ADAT2: variants seen among roughly 807,000 people sequenced by gnomAD.
The protein encoded by ADAT2 is adenosine deaminase tRNA specific 2.
ADAT2 carries 26 observed loss-of-function variants against 25.9 expected under a neutral mutation model. That is an observed-to-expected ratio of 1.00 (90% CI 0.74 to 1.39). The LOEUF is 1.39. Among genes scored for constraint, ADAT2 ranks in the 40% most tolerant of loss-of-function variants. The pLI is 0.00. For synonymous variants in ADAT2, 76 were observed against 86.8 expected (o/e 0.88, Z 0.69); for missense variants, 220 against 244.8 (o/e 0.90, Z 0.68).
intron 2 of ADAT2, among the ~76,000 whole-genome samples, chr6:143,435,583 C>A (rs1337482296): frequency 6.6e-6 from 1 of 152,158 alleles, no homozygotes; most frequent in East Asian, 1.9e-4. Context: ...CATCTTAAGA[C>A]ATCATACACA....
In ADAT2 at chr6:143,425,733, T is replaced by TGTGTGTGTGTGTGTGTGTG. The variant is rs1778912429; in HGVS notation, c.*2729_*2730insCACACACACACACACACAC. ...GGTAAAGGGCCATGGTGTGTTGTGT[T>TGTGTGTGTGTGTGTGTGTG]TGTGTGTGTGTGTGTGTGTGTGTGT... On this transcript the variant is annotated 3_prime_UTR_variant, in exon 6 of 6. Transcript: ENST00000237283. 1.3e-4 allele frequency: 18 copies of TGTGTGTGTGTGTGTGTGTG among 136,584 alleles called. No individual in the cohort carries two copies. The highest frequency in any genetic ancestry group is 5.2e-4 in the Admixed American group (7 of 13,572). The allele number at this position is 136,584 out of a possible 1,614,324, so 8.5% of individuals were successfully genotyped here. A position where few individuals can be genotyped will look rare whatever the true frequency, so the allele number is the denominator to read the frequency against.
intron 1 of ADAT2, among the ~76,000 whole-genome samples, chr6:143,448,141 T>A (rs1779649359): frequency 2.0e-5 from 3 of 151,994 alleles, no homozygotes; most frequent in Middle Eastern, 3.2e-3. Context: ...CTGAGCAAAC[T>A]ATCACAAGGA....
Position 143,432,695 on chromosome 6 carries a change from C to G in ADAT2, c.353-84G>C. On this transcript the variant is annotated intron_variant, in intron 3 of 5. Coordinates refer to ENST00000237283, the MANE Select transcript of ADAT2 (RefSeq NM_182503.3). This position sits in a 1 kb window ranked among gnomAD's most constrained non-coding sequence, Gnocchi z 4.4. ...ATCAGAGTAGGTTTATACCAGCCAT[C>G]CTGGAGAGGAACGCTCATGCTACTC... is the stretch of plus-strand genomic sequence containing the variant. The G allele has an allele frequency of 7.7e-7, 1 of 1,304,556 alleles. No individual in the cohort carries two copies. Among genetic ancestry groups the G allele is most frequent in the Non-Finnish European group, 1.1e-6 (1 of 905,278 alleles). The allele number at this position is 1,304,556 out of a possible 1,614,324, so 80.8% of individuals were successfully genotyped here.
Position 143,434,085 on chromosome 6 carries a change from C to T in ADAT2, c.202-104G>A. On this transcript the variant is annotated intron_variant, in intron 2 of 5. Transcript: ENST00000237283. This position sits in a 1 kb window ranked among gnomAD's most constrained non-coding sequence, Gnocchi z 4.5. ...CAAAATATGCGCCTATCCTTTCTGC[C>T]AATATTTTAATGAATACAGTTTCAA... 1 of 1,406,468 alleles carries T rather than the reference C, an allele frequency of 7.1e-7. No individual in the cohort carries two copies. The highest frequency in any genetic ancestry group is 9.7e-7 in the Non-Finnish European group (1 of 1,028,222). The allele number at this position is 1,406,468 out of a possible 1,614,324, so 87.1% of individuals were successfully genotyped here.
rs897397287 is a variant in ADAT2, at chr6:143,424,988, C to T, written c.*3475G>A. 1.3e-5 allele frequency: 2 copies of T among 152,180 alleles called. No homozygotes were observed. The highest frequency in any genetic ancestry group is 4.8e-5 in the African/African-American group (2 of 41,450). 9.4% of individuals were successfully genotyped at this position (152,180 alleles called of 1,614,324 possible). On this transcript the variant is annotated 3_prime_UTR_variant, in exon 6 of 6. Transcript: ENST00000237283. This position sits in a 1 kb window ranked among gnomAD's most constrained non-coding sequence, Gnocchi z 4.8. Reference sequence around the variant, plus strand: ...GACCAGATGACCAAAATTGACATCACCTTGGTGTGACGGCCTTTGTGTGCC... The same window carrying T: ...GACCAGATGACCAAAATTGACATCATCTTGGTGTGACGGCCTTTGTGTGCC...
chr6:143,439,016 G>A lies in ADAT2; in HGVS notation c.97-322C>T, dbSNP rs904657246. Among the ~76,000 whole-genome samples, 6 of 152,208 alleles carry A rather than the reference G, an allele frequency of 3.9e-5. No individual in the cohort carries two copies. In the East Asian group the frequency reaches 1.2e-3, roughly 29 times the overall value. On this transcript the variant is annotated intron_variant, in intron 1 of 5. Coordinates refer to ENST00000237283, the MANE Select transcript of ADAT2 (RefSeq NM_182503.3). ...GCCAGGGTCTATGTGTCTTTTCAGA[G>A]ATAGAATACATATTTGCAAAAAGGT...
rs1394092234 is a variant in ADAT2, at chr6:143,425,933, G to T, written c.*2530C>A. The T allele has an allele frequency of 6.6e-6, 1 of 152,476 alleles. No individual in the cohort carries two copies. Among genetic ancestry groups the T allele is most frequent in the African/African-American group, 2.4e-5 (1 of 41,384 alleles). 9.4% of individuals were successfully genotyped at this position (152,476 alleles called of 1,614,324 possible). On this transcript the variant is annotated 3_prime_UTR_variant, in exon 6 of 6. Coordinates refer to ENST00000237283, the MANE Select transcript of ADAT2 (RefSeq NM_182503.3). ...GTGCCAAGTAACAAGAAAGCACAAAGATATTTTAACATGATCTTTTATCAG... is the reference window on the plus strand; with the variant it reads ...GTGCCAAGTAACAAGAAAGCACAAATATATTTTAACATGATCTTTTATCAG...
chr6:143,431,623 C>T (rs1779118441), intron 4 of ADAT2, among the ~76,000 whole-genome samples: 1 of 152,122 alleles, frequency 6.6e-6, no homozygotes, highest in South Asian at 2.1e-4. Flanking sequence ...TAATGTTGAG[C>T]TAGAAAACTC....
chr6:143,447,045 C>A (rs1779620939), intron 1 of ADAT2, among the ~76,000 whole-genome samples: 1 of 152,070 alleles, frequency 6.6e-6, no homozygotes, highest in Non-Finnish European at 1.5e-5. Flanking sequence ...AGAAACCTGC[C>A]ATGAAAAATA....
At position 143,444,341 on chromosome 6, in the gene ADAT2, A is replaced by G. The variant is rs946572281; in HGVS notation, c.97-5647T>C. Among the ~76,000 whole-genome samples, 5 of 152,182 alleles carry G rather than the reference A, an allele frequency of 3.3e-5. No individual in the cohort carries two copies. Among genetic ancestry groups the G allele is most frequent in the Non-Finnish European group, 7.3e-5 (5 of 68,030 alleles). On this transcript the variant is annotated intron_variant, in intron 1 of 5. Coordinates refer to ENST00000237283, the MANE Select transcript of ADAT2 (RefSeq NM_182503.3). This position sits in a 1 kb window ranked among gnomAD's most constrained non-coding sequence, Gnocchi z 4.3. ...TGAGTGGGTAAGCAACTGGAATGGT[A>G]GGCAGGGGAGGGGGCGGTGAGAATA... is the stretch of plus-strand genomic sequence containing the variant.
intron 4 of ADAT2, among the ~76,000 whole-genome samples, chr6:143,430,015 C>T (rs1779058693): frequency 6.6e-6 from 1 of 152,200 alleles, no homozygotes; most frequent in South Asian, 2.1e-4. Flanking sequence ...TCTCAGAAAT[C>T]CCCAGGTCCC....
chr6:143,446,982 G>A lies in ADAT2; in HGVS notation c.96+3581C>T, dbSNP rs1779618904. ...ATCTTTAGAATGTTATGCTGAACAT[G>A]TTATGATGATTAAAATGATAACCTA... is the stretch of plus-strand genomic sequence containing the variant. On this transcript the variant is annotated intron_variant, in intron 1 of 5. Transcript: ENST00000237283. This position sits in a 1 kb window ranked among gnomAD's most constrained non-coding sequence, Gnocchi z 5.0. Among the ~76,000 whole-genome samples, 1 of 152,112 alleles carries A rather than the reference G, an allele frequency of 6.6e-6. No homozygotes were observed. The highest frequency in any genetic ancestry group is 6.5e-5 in the Admixed American group (1 of 15,272).
In ADAT2 at chr6:143,436,675, G is replaced by C. The variant is rs1779293950; in HGVS notation, c.201+1915C>G. Reference sequence around the variant, plus strand: ...GGATGCCACTGTTGAGGAGGAGGGAGAGTCTGAGGAGTGGACTGAGGAAAT... The same window carrying C: ...GGATGCCACTGTTGAGGAGGAGGGACAGTCTGAGGAGTGGACTGAGGAAAT... On this transcript the variant is annotated intron_variant, in intron 2 of 5. Transcript: ENST00000237283. This position sits in a 1 kb window ranked among gnomAD's most constrained non-coding sequence, Gnocchi z 4.1. The C allele has an allele frequency of 6.5e-6, 2 of 307,302 alleles. No individual in the cohort carries two copies. Among genetic ancestry groups the C allele is most frequent in the South Asian group, 3.6e-5 (1 of 27,820 alleles). The allele number at this position is 307,302 out of a possible 1,614,324, so 19.0% of individuals were successfully genotyped here.
In ADAT2 at chr6:143,436,639, C is replaced by T; in HGVS notation, c.201+1951G>A. 5.2e-6 allele frequency: 2 copies of T among 381,046 alleles called. No individual in the cohort carries two copies. Among genetic ancestry groups the T allele is most frequent in the Admixed American group, 5.1e-5 (2 of 39,424 alleles). 23.6% of individuals were successfully genotyped at this position (381,046 alleles called of 1,614,324 possible). A position where few individuals can be genotyped will look rare whatever the true frequency, so the allele number is the denominator to read the frequency against. Reference sequence around the variant, plus strand: ...CATGAATGACCTGGTATCAGAGTACCAACAGTATCAGGATGCCACTGTTGA... The same window carrying T: ...CATGAATGACCTGGTATCAGAGTACTAACAGTATCAGGATGCCACTGTTGA... On this transcript the variant is annotated intron_variant, in intron 2 of 5. Coordinates refer to ENST00000237283, the MANE Select transcript of ADAT2 (RefSeq NM_182503.3). This position sits in a 1 kb window ranked among gnomAD's most constrained non-coding sequence, Gnocchi z 4.1.
rs1432880821 is a variant in ADAT2, at chr6:143,434,068, G to A, written c.202-87C>T. ...TATACAAAAACTAAGTACAAAATAT[G>A]CGCCTATCCTTTCTGCCAATATTTT... is the stretch of plus-strand genomic sequence containing the variant. On this transcript the variant is annotated intron_variant, in intron 2 of 5. Transcript: ENST00000237283. This position sits in a 1 kb window ranked among gnomAD's most constrained non-coding sequence, Gnocchi z 4.5. 2.7e-6 allele frequency: 4 copies of A among 1,502,662 alleles called. No individual in the cohort carries two copies. The highest frequency in any genetic ancestry group is 3.6e-6 in the Non-Finnish European group (4 of 1,105,256). The allele number at this position is 1,502,662 out of a possible 1,614,324, so 93.1% of individuals were successfully genotyped here.
At chr6:143,439,775 T>A (rs571849372) in intron 1 of ADAT2, among the ~76,000 whole-genome samples, 1 of 152,156 alleles carries the variant, frequency 6.6e-6, no homozygotes, top group East Asian at 1.9e-4. Context: ...TACAGAGATG[T>A]TTGCATTATT....
rs540706150 is a variant in ADAT2 at position 143,427,461 on chromosome 6, G to A, written c.*1002C>T. 5 of 152,382 alleles carry A rather than the reference G, an allele frequency of 3.3e-5. No homozygotes were observed. In the South Asian group the frequency reaches 1.0e-3, roughly 32 times the overall value. The allele number at this position is 152,382 out of a possible 1,614,324, so 9.4% of individuals were successfully genotyped here. On this transcript the variant is annotated 3_prime_UTR_variant, in exon 6 of 6. Transcript: ENST00000237283. The stretch of plus-strand genomic sequence containing the variant: ...GCAAAGCTGCCCTGTAGTCATGGAG[G>A]TGAACTGGGGACTTCCTGCTGTGGA...
intron 1 of ADAT2, among the ~76,000 whole-genome samples, chr6:143,447,371 C>T (rs9496639): frequency 0.23 from 35,128 of 152,058 alleles, 4,638 homozygotes; most frequent in Middle Eastern, 0.3. Flanking sequence ...TTTAGGTAGT[C>T]ACTCCATAGC....
intron 4 of ADAT2, among the ~76,000 whole-genome samples, chr6:143,431,394 A>G (rs1779112186): frequency 6.6e-6 from 1 of 152,258 alleles, no homozygotes; most frequent in African/African-American, 2.4e-5. Flanking sequence ...GATCATTCTC[A>G]TAAAGGAAAT....
Sources: allele counts gnomAD v4.1 joint callset (sites outside exome capture counted in the v4.1 genomes callset), GRCh38; gene constraint gnomAD v4.1.1; non-coding constraint Gnocchi (gnomAD v3.1); transcripts MANE v1.5; gene names NCBI Gene and HGNC (gene_info 2026-07-23, HGNC 2026-07-21).